Variants in PTPRM observed in about 807,000 individuals in gnomAD.
PTPRM encodes the protein receptor-type tyrosine-protein phosphatase mu.
A neutral mutation model predicts 186.7 loss-of-function variants in PTPRM; 47 were observed. The observed-to-expected ratio is 0.25, with a 90% CI of 0.20 to 0.32. PTPRM has a LOEUF of 0.32. Among genes scored for constraint, PTPRM ranks in the 10% least tolerant of loss-of-function variants. The pLI is 1.00. For synonymous variants in PTPRM, 668 were observed against 674.9 expected, an observed-to-expected ratio of 0.99 and a Z score of 0.16; for missense variants, 1,494 against 1,865.0, an observed-to-expected ratio of 0.80 and a Z score of 3.66.
At chr18:7,583,053 T>A (rs940288526) in intron 1 of PTPRM, among the ~76,000 whole-genome samples, 1 of 152,236 alleles carries the variant, frequency 6.6e-6, no homozygotes, top group African/African-American at 2.4e-5. Context: ...TAGCTGCTGT[T>A]ATTGTTGGAG....
At chr18:8,134,091 A>G (rs772926870) in intron 13 of PTPRM, among the ~76,000 whole-genome samples, 9 of 152,210 alleles carry the variant, frequency 5.9e-5, no homozygotes, top group African/African-American at 2.2e-4. Context: ...TTCCAGTTTC[A>G]TGGACTGAAT....
chr18:7,772,411 CT>C (rs869207276), intron 1 of PTPRM, among the ~76,000 whole-genome samples: 41 of 86,178 alleles, frequency 4.8e-4, no homozygotes, highest in African/African-American at 1.5e-3. Flanking sequence ...TTCTTTCTTT[CT>C]TTTCTTTCTT....
intron 8 of PTPRM, among the ~76,000 whole-genome samples, chr18:8,075,648 A>G (rs1346304594): frequency 6.6e-6 from 1 of 152,130 alleles, no homozygotes; most frequent in Non-Finnish European, 1.5e-5. Flanking sequence ...CAAACTTATA[A>G]GAAGGTGTTA....
intron 4 of PTPRM, among the ~76,000 whole-genome samples, chr18:7,920,376 A>G (rs1458437520): frequency 6.6e-6 from 1 of 152,148 alleles, no homozygotes; most frequent in Non-Finnish European, 1.5e-5. Context: ...TGTTGTTACA[A>G]TTAGGCTTAT....
At chr18:8,337,029 G>T (rs2095443864) in intron 22 of PTPRM, among the ~76,000 whole-genome samples, 1 of 151,982 alleles carries the variant, frequency 6.6e-6, no homozygotes, top group Admixed American at 6.6e-5. Flanking sequence ...AAAAGAAGTG[G>T]AAAGAAAAGA....
intron 6 of PTPRM, 22 bp from the exon 7 acceptor site, chr18:7,955,099 A>G: frequency 4.5e-6 from 7 of 1,568,308 alleles, no homozygotes; most frequent in Non-Finnish European, 6.1e-6. Flanking sequence ...TCTGAAAGAC[A>G]GCTTTCTGGT....
intron 3 of PTPRM, among the ~76,000 whole-genome samples, chr18:7,895,532 C>T (rs1005069003): frequency 2.0e-5 from 3 of 152,074 alleles, no homozygotes; most frequent in Non-Finnish European, 2.9e-5. Flanking sequence ...TGTGAGGGTC[C>T]GTGCAGTTCT....
intron 8 of PTPRM, among the ~76,000 whole-genome samples, chr18:8,076,203 T>C (rs1022781017): frequency 1.3e-5 from 2 of 152,130 alleles, no homozygotes; most frequent in African/African-American, 4.8e-5. Flanking sequence ...AGTAAAAACG[T>C]TTATTTAATA....
chr18:7,610,087 A>C (rs924795000), intron 1 of PTPRM, among the ~76,000 whole-genome samples: 67 of 152,310 alleles, frequency 4.4e-4, no homozygotes, highest in African/African-American at 1.6e-3. Context: ...GACAACACCT[A>C]TTGGGCATTT....
At chr18:8,174,849 G>A (rs2093458352) in intron 14 of PTPRM, among the ~76,000 whole-genome samples, 2 of 152,194 alleles carry the variant, frequency 1.3e-5, no homozygotes, top group African/African-American at 4.8e-5. Context: ...AGCCTTAAAA[G>A]AACAAGAATC....
At chr18:8,098,595 C>T (rs972962436) in intron 11 of PTPRM, among the ~76,000 whole-genome samples, 9 of 152,052 alleles carry the variant, frequency 5.9e-5, no homozygotes. Context: ...CTGCCTTTAC[C>T]TTTGAAGCAA....
intron 5 of PTPRM, among the ~76,000 whole-genome samples, chr18:7,933,638 A>G (rs1247597127): frequency 6.6e-6 from 1 of 152,214 alleles, no homozygotes; most frequent in East Asian, 1.9e-4. Context: ...GTGAATACCT[A>G]CTAATGCATG....
At position 7,939,175 on chromosome 18, in the gene PTPRM, A is replaced by T. The variant is rs140062365; in HGVS notation, c.664-10006A>T. Among the ~76,000 whole-genome samples the T allele has an allele frequency of 3.5e-3, 528 of 152,352 alleles. 3 individuals carry two copies. The highest frequency in any genetic ancestry group is 5.8e-3 in the Non-Finnish European group (392 of 68,036). ...TTCAATCAATATCTCACAAATGGGC[A>T]CATTTGAAAGTTGGATAATACAGAC... On this transcript the variant is annotated intron_variant, in intron 5 of 32. Coordinates refer to ENST00000580170, the MANE Select transcript of PTPRM (RefSeq NM_001105244.2).
intron 2 of PTPRM, among the ~76,000 whole-genome samples, chr18:7,819,796 C>T (rs566135751): frequency 3.5e-4 from 53 of 152,264 alleles, no homozygotes; most frequent in African/African-American, 1.2e-3. Flanking sequence ...GTATGCTCCC[C>T]TAGAGGTTTG....
intron 20 of PTPRM, among the ~76,000 whole-genome samples, chr18:8,301,041 T>C (rs1474175779): frequency 6.6e-6 from 1 of 152,202 alleles, no homozygotes; most frequent in Non-Finnish European, 1.5e-5. Flanking sequence ...AAAAGTCAGT[T>C]CCACTGCCTG....
chr18:8,074,940 G>A (rs1288180739), intron 8 of PTPRM, among the ~76,000 whole-genome samples: 1 of 152,010 alleles, frequency 6.6e-6, no homozygotes, highest in African/African-American at 2.4e-5. Context: ...TTTGCTTTTG[G>A]TGTCATGCCT....
At chr18:7,862,718 G>A (rs2047456835) in intron 2 of PTPRM, among the ~76,000 whole-genome samples, 1 of 152,212 alleles carries the variant, frequency 6.6e-6, no homozygotes, top group Non-Finnish European at 1.5e-5. Flanking sequence ...TAGGCTAAAT[G>A]CAGTTGCTCA....
At chr18:8,203,335 G>A (rs546220326) in intron 14 of PTPRM, among the ~76,000 whole-genome samples, 1 of 152,030 alleles carries the variant, frequency 6.6e-6, no homozygotes, top group African/African-American at 2.4e-5. Context: ...GGTATGTGTT[G>A]TATTAAAAGA....
rs76984523 is a variant in PTPRM at position 8,159,862 on chromosome 18, A to T, written c.2300+16083A>T. Among the ~76,000 whole-genome samples, 1,973 of 151,036 alleles carry T rather than the reference A, an allele frequency of 0.013. 149 individuals are homozygous for T. In the East Asian group the frequency reaches 0.19, roughly 15 times the overall value. On this transcript the variant is annotated intron_variant, in intron 14 of 32. Transcript: ENST00000580170. ...TGGACTTTGAACAGCTTTGCTTTTT[A>T]AAAAAAAAATTTCAGGGATGTAAGT...
Sources: gnomAD v4.1 joint callset for allele counts (sites outside exome capture counted in the v4.1 genomes callset) on GRCh38, gnomAD v4.1.1 for gene constraint, MANE v1.5 for transcripts, NCBI Gene and HGNC (gene_info 2026-07-23, HGNC 2026-07-21) for gene names.